HCN1: variants seen among roughly 807,000 people sequenced by gnomAD.
HCN1 encodes the protein potassium/sodium hyperpolarization-activated cyclic nucleotide-gated channel 1.
A neutral mutation model predicts 78.9 loss-of-function variants in HCN1; 13 were observed. The ratio of observed to expected loss-of-function variants is 0.16; its 90% CI spans 0.11 to 0.26. The LOEUF (loss-of-function observed/expected upper bound fraction) is 0.26. Among genes scored for constraint, HCN1 ranks in the 10% least tolerant of loss-of-function variants. The pLI is 1.00. For missense variants in HCN1, 810 were observed against 1,154.3 expected (o/e 0.70, Z 4.32); for synonymous variants, 552 against 455.5 (o/e 1.21, Z -2.70).
At chr5:45,525,914 C>T (rs941306510) in intron 2 of HCN1, among the ~76,000 whole-genome samples, 3 of 151,796 alleles carry the variant, frequency 2.0e-5, no homozygotes, top group Admixed American at 2.0e-4. Flanking sequence ...GTGATAGAGC[C>T]CTCATAATGG....
intron 3 of HCN1, among the ~76,000 whole-genome samples, chr5:45,452,052 T>C (rs1232048223): frequency 6.6e-6 from 1 of 152,058 alleles, no homozygotes; most frequent in Non-Finnish European, 1.5e-5. Context: ...TACTGGAGTA[T>C]AGAGAATGGA....
intron 4 of HCN1, among the ~76,000 whole-genome samples, chr5:45,361,638 A>G (rs1747111721): frequency 6.6e-6 from 1 of 152,200 alleles, no homozygotes; most frequent in African/African-American, 2.4e-5. Flanking sequence ...TCCAATACAA[A>G]TAGTCATTTG....
At chr5:45,616,492 T>C (rs1174761811) in intron 2 of HCN1, among the ~76,000 whole-genome samples, 1 of 152,018 alleles carries the variant, frequency 6.6e-6, no homozygotes, top group African/African-American at 2.4e-5. Context: ...TTTATTCTAT[T>C]TAATCTTCTA....
rs571315458 is a variant in HCN1 at position 45,321,491 on chromosome 5, G to A, written c.1378-17652C>T. Among the ~76,000 whole-genome samples the A allele has an allele frequency of 4.0e-5, 6 of 150,260 alleles. 2 individuals are homozygous for A. In the South Asian group the frequency reaches 1.2e-3, roughly 31 times the overall value. On this transcript the variant is annotated intron_variant, in intron 5 of 7. Coordinates refer to ENST00000303230, the MANE Select transcript of HCN1 (RefSeq NM_021072.4). ...TCCCTGTTATCTGGATAAAAGTCAT[G>A]AAAGCTTAGCACGTAGAATTAAACC...
At chr5:45,625,254 G>C (rs1005889185) in intron 2 of HCN1, among the ~76,000 whole-genome samples, 1 of 152,014 alleles carries the variant, frequency 6.6e-6, no homozygotes, top group African/African-American at 2.4e-5. Context: ...AATGAGCTGA[G>C]ACCATGCCAT....
chr5:45,604,302 G>T (rs764682625), intron 2 of HCN1, among the ~76,000 whole-genome samples: 1 of 151,738 alleles, frequency 6.6e-6, no homozygotes, highest in Non-Finnish European at 1.5e-5. Flanking sequence ...AAGTGATACC[G>T]CCAGCAAGTG....
intron 4 of HCN1, among the ~76,000 whole-genome samples, chr5:45,382,583 T>G (rs1747831867): frequency 6.6e-6 from 1 of 152,176 alleles, no homozygotes; most frequent in Non-Finnish European, 1.5e-5. Context: ...TTGGTCTGTC[T>G]CCTCCTTAAC....
intron 2 of HCN1, among the ~76,000 whole-genome samples, chr5:45,590,517 C>A (rs915245875): frequency 6.6e-6 from 1 of 152,094 alleles, no homozygotes; most frequent in Non-Finnish European, 1.5e-5. Flanking sequence ...ACCCAAAGTC[C>A]ATGGTTTACA....
At chr5:45,547,211 C>A (rs992723341) in intron 2 of HCN1, among the ~76,000 whole-genome samples, 1 of 151,838 alleles carries the variant, frequency 6.6e-6, no homozygotes, top group African/African-American at 2.4e-5. Flanking sequence ...AGAATATACA[C>A]GACACATTGA....
At chr5:45,327,820 G>T (rs768495233) in intron 5 of HCN1, among the ~76,000 whole-genome samples, 1 of 151,618 alleles carries the variant, frequency 6.6e-6, no homozygotes, top group Non-Finnish European at 1.5e-5. Context: ...ACAGAGAAAA[G>T]GAAGCCCTCT....
rs573442258 is a variant in HCN1 at position 45,288,266 on chromosome 5, C to T, written c.1618+15333G>A. 4.6e-5 allele frequency among the ~76,000 whole-genome samples: 7 copies of T among 152,180 alleles called. No individual in the cohort carries two copies. The South Asian group carries it at 1.2e-3, about 27-fold the overall frequency. ...TCACAAATCTCACCTACCTCCATTTCTTTTTAAATTGCTAAGTGCTTGGCC... is the reference window on the plus strand; with the variant it reads ...TCACAAATCTCACCTACCTCCATTTTTTTTTAAATTGCTAAGTGCTTGGCC... On this transcript the variant is annotated intron_variant, in intron 6 of 7. Coordinates refer to ENST00000303230, the MANE Select transcript of HCN1 (RefSeq NM_021072.4).
At chr5:45,282,061 C>A (rs1417808086) in intron 6 of HCN1, among the ~76,000 whole-genome samples, 2 of 152,044 alleles carry the variant, frequency 1.3e-5, no homozygotes, top group African/African-American at 4.8e-5. Context: ...ATAAAATATG[C>A]CCAATACTGT....
intron 2 of HCN1, among the ~76,000 whole-genome samples, chr5:45,472,857 T>A (rs1741420545): frequency 6.6e-6 from 1 of 151,988 alleles, no homozygotes; most frequent in Admixed American, 6.6e-5. Flanking sequence ...ACATCCTTCA[T>A]CACATCACAA....
At chr5:45,320,528 G>T (rs557718995) in intron 5 of HCN1, among the ~76,000 whole-genome samples, 3 of 151,682 alleles carry the variant, frequency 2.0e-5, no homozygotes, top group African/African-American at 7.3e-5. Context: ...TAGTATTACT[G>T]CCCCATTTTG....
intron 6 of HCN1, among the ~76,000 whole-genome samples, chr5:45,278,192 T>A (rs998353073): frequency 6.6e-6 from 1 of 152,122 alleles, no homozygotes; most frequent in Non-Finnish European, 1.5e-5. Context: ...CAGTCCATTT[T>A]GTTAAGAGCC....
At position 45,471,327 on chromosome 5, in the gene HCN1, A is replaced by G. The variant is rs149329332; in HGVS notation, c.850-9320T>C. Among the ~76,000 whole-genome samples the G allele has an allele frequency of 1.3e-4, 20 of 152,000 alleles. No homozygotes were observed. The East Asian group carries it at 3.7e-3, about 28-fold the overall frequency. ...CAATATCCTGACCTATTGCTCAACT[A>G]CATTCTCCATTATAACTTCTGACTC... On this transcript the variant is annotated intron_variant, in intron 2 of 7. Coordinates refer to ENST00000303230, the MANE Select transcript of HCN1 (RefSeq NM_021072.4).
chr5:45,323,024 A>T (rs950658486), intron 5 of HCN1, among the ~76,000 whole-genome samples: 8 of 151,830 alleles, frequency 5.3e-5, no homozygotes, highest in Admixed American at 4.0e-4. Context: ...TTTAACGTTA[A>T]CCCATTTAAG....
intron 1 of HCN1, among the ~76,000 whole-genome samples, chr5:45,673,249 T>C (rs1041353267): frequency 1.3e-5 from 2 of 151,600 alleles, no homozygotes; most frequent in African/African-American, 4.8e-5. Flanking sequence ...AGGCAAAGAC[T>C]ACATCATGTC....
chr5:45,635,596 A>C (rs1169432390), intron 2 of HCN1, among the ~76,000 whole-genome samples: 1 of 152,140 alleles, frequency 6.6e-6, no homozygotes, highest in Non-Finnish European at 1.5e-5. Context: ...GCTGTCTTAA[A>C]AAATGGTCTA....
Sources: allele counts gnomAD v4.1 joint callset (sites outside exome capture counted in the v4.1 genomes callset), GRCh38; gene constraint gnomAD v4.1.1; transcripts MANE v1.5; gene names NCBI Gene and HGNC (gene_info 2026-07-23, HGNC 2026-07-21).